The following CSMD1 variants were observed in gnomAD, a reference collection of about 807,000 sequenced individuals.
CSMD1 encodes the protein CUB and sushi domain-containing protein 1.
Under a neutral mutation model 417.5 loss-of-function variants are expected in CSMD1, and 213 were observed. That is an observed-to-expected ratio of 0.51 (90% CI 0.46 to 0.57). The LOEUF (loss-of-function observed/expected upper bound fraction) is 0.57. CSMD1 is among the 20% of genes least tolerant of loss of function. CSMD1 has a pLI of 0.00. For missense variants in CSMD1, 6,923 were observed against 4,529.7 expected, an observed-to-expected ratio of 1.53 and a Z score of -15.17; for synonymous variants, 2,862 against 1,736.8, an observed-to-expected ratio of 1.65 and a Z score of -16.11.
At chr8:3,685,898 T>C (rs1265931373) in intron 7 of CSMD1, among the ~76,000 whole-genome samples, 1 of 152,206 alleles carries the variant, frequency 6.6e-6, no homozygotes, top group Non-Finnish European at 1.5e-5. Context: ...ATTGTTCGTG[T>C]TACAAACAAT....
At chr8:4,965,760 GA>G (rs1726701913) in intron 1 of CSMD1, among the ~76,000 whole-genome samples, 1 of 152,124 alleles carries the variant, frequency 6.6e-6, no homozygotes, top group Admixed American at 6.6e-5. Context: ...GATTATTTAG[GA>G]AGGAAAAACT....
chr8:3,502,800 T>C (rs150105787), intron 10 of CSMD1, among the ~76,000 whole-genome samples: 59 of 152,304 alleles, frequency 3.9e-4, no homozygotes, highest in African/African-American at 1.4e-3. Context: ...CTTTATACAG[T>C]TGCCCAAATC....
At chr8:4,885,785 G>C (rs1356815398) in intron 1 of CSMD1, among the ~76,000 whole-genome samples, 1 of 151,766 alleles carries the variant, frequency 6.6e-6, no homozygotes, top group Non-Finnish European at 1.5e-5. Flanking sequence ...TTCCTTTCAT[G>C]TGCAAAGTTT....
Position 3,520,524 on chromosome 8 carries a change from G to C in CSMD1, c.1345-26798C>G, listed in dbSNP as rs144963466. Among the ~76,000 whole-genome samples, 624 of 152,270 alleles carry C rather than the reference G, an allele frequency of 4.1e-3. 4 individuals are homozygous for C. The highest frequency in any genetic ancestry group is 0.025 in the South Asian group (122 of 4,828). ...TATTATCTTGTCAATTTTATATCATGTTTTAGCTTGGTTGTCAAATCCCAT... is the reference window on the plus strand; with the variant it reads ...TATTATCTTGTCAATTTTATATCATCTTTTAGCTTGGTTGTCAAATCCCAT... On this transcript the variant is annotated intron_variant, in intron 10 of 69. Coordinates refer to ENST00000635120, the MANE Select transcript of CSMD1 (RefSeq NM_033225.6).
intron 3 of CSMD1, among the ~76,000 whole-genome samples, chr8:4,194,921 A>G (rs1799242344): frequency 6.6e-6 from 1 of 152,184 alleles, no homozygotes; most frequent in South Asian, 2.1e-4. Flanking sequence ...ATGGGAGATC[A>G]CAGTAGAAGA....
At chr8:3,564,584 G>A (rs1429284466) in intron 10 of CSMD1, among the ~76,000 whole-genome samples, 2 of 149,032 alleles carry the variant, frequency 1.3e-5, no homozygotes, top group African/African-American at 5.0e-5. Flanking sequence ...CAAAAGCATG[G>A]CCCTTGTTCT....
chr8:3,789,411 T>A (rs1045155082), intron 5 of CSMD1, among the ~76,000 whole-genome samples: 2 of 133,960 alleles, frequency 1.5e-5, no homozygotes, highest in South Asian at 4.9e-4. Flanking sequence ...TAAGTAAGTT[T>A]TTTTTTTTTA....
chr8:4,290,070 G>C (rs541552554), intron 3 of CSMD1, among the ~76,000 whole-genome samples: 3 of 152,100 alleles, frequency 2.0e-5, no homozygotes, highest in Non-Finnish European at 2.9e-5. Flanking sequence ...AATTCAGCAC[G>C]GTCTTTTTTA....
intron 1 of CSMD1, among the ~76,000 whole-genome samples, chr8:4,896,226 C>A (rs1585282582): frequency 6.6e-6 from 1 of 152,110 alleles, no homozygotes; most frequent in East Asian, 1.9e-4. Context: ...CTGGTTCTTT[C>A]AACTTTGCAG....
At chr8:4,247,295 G>A (rs987488305) in intron 3 of CSMD1, among the ~76,000 whole-genome samples, 1 of 152,126 alleles carries the variant, frequency 6.6e-6, no homozygotes, top group Non-Finnish European at 1.5e-5. Flanking sequence ...TCAATGGGTG[G>A]TCAATTGTCT....
intron 5 of CSMD1, among the ~76,000 whole-genome samples, chr8:3,926,088 C>CACACACACACAAACACCAT (rs1809671326): frequency 3.2e-5 from 1 of 31,240 alleles, no homozygotes; most frequent in African/African-American, 4.1e-4. Context: ...ACCATACACA[C>CACACACACACAAACACCAT]ACACACACAC....
chr8:4,760,623 A>G (rs958293031), intron 1 of CSMD1, among the ~76,000 whole-genome samples: 6 of 152,328 alleles, frequency 3.9e-5, no homozygotes, highest in African/African-American at 1.4e-4. Context: ...AAAATACAGC[A>G]CAATATTGTT....
intron 3 of CSMD1, among the ~76,000 whole-genome samples, chr8:4,373,252 A>C (rs1802508738): frequency 6.6e-6 from 1 of 152,188 alleles, no homozygotes; most frequent in Non-Finnish European, 1.5e-5. Flanking sequence ...GGAGCCTACG[A>C]AGGTATGATA....
At chr8:4,013,745 G>A (rs1471664452) in intron 4 of CSMD1, among the ~76,000 whole-genome samples, 3 of 152,148 alleles carry the variant, frequency 2.0e-5, no homozygotes, top group African/African-American at 4.8e-5. Context: ...ATAGCTTGTG[G>A]GTTACATTCA....
chr8:4,762,303 A>T lies in CSMD1; in HGVS notation c.86-124745T>A, dbSNP rs900922004. Among the ~76,000 whole-genome samples, 11 of 152,142 alleles carry T rather than the reference A, an allele frequency of 7.2e-5. No individual in the cohort carries two copies. The East Asian group carries it at 2.1e-3, about 29-fold the overall frequency. On this transcript the variant is annotated intron_variant, in intron 1 of 69. Transcript: ENST00000635120. Reference sequence around the variant, plus strand: ...GGGTAATTGGGGAGAGAGAAAGAATAGCTGTTTACTGGTATAACATTTAAT... The same window carrying T: ...GGGTAATTGGGGAGAGAGAAAGAATTGCTGTTTACTGGTATAACATTTAAT...
intron 4 of CSMD1, among the ~76,000 whole-genome samples, chr8:4,026,403 G>A (rs186172863): frequency 6.6e-6 from 1 of 152,148 alleles, no homozygotes; most frequent in Admixed American, 6.5e-5. Context: ...TTACCACATG[G>A]GTGGCAGCAT....
intron 4 of CSMD1, among the ~76,000 whole-genome samples, chr8:4,008,348 T>G (rs986194577): frequency 2.6e-5 from 4 of 152,078 alleles, no homozygotes; most frequent in East Asian, 1.9e-4. Flanking sequence ...AAGCTCCTTT[T>G]ATTCCATGGA....
At chr8:3,447,040 A>T (rs1375134687) in intron 12 of CSMD1, among the ~76,000 whole-genome samples, 1 of 152,236 alleles carries the variant, frequency 6.6e-6, no homozygotes, top group East Asian at 1.9e-4. Flanking sequence ...GAAGACAGAA[A>T]ATTCTTAATA....
chr8:4,057,660 GTTTTA>G (rs1798766377), intron 3 of CSMD1, among the ~76,000 whole-genome samples: 1 of 31,902 alleles, frequency 3.1e-5, no homozygotes, highest in Non-Finnish European at 1.2e-4. Flanking sequence ...GGTTTTTATA[GTTTTA>G]GGTGTAACGT....
Sources: gnomAD v4.1 joint callset for allele counts (sites outside exome capture counted in the v4.1 genomes callset) on GRCh38, gnomAD v4.1.1 for gene constraint, MANE v1.5 for transcripts, NCBI Gene and HGNC (gene_info 2026-07-23, HGNC 2026-07-21) for gene names.